The following UNC13A variants were observed in gnomAD, a reference collection of about 807,000 sequenced individuals.
The protein encoded by UNC13A is protein unc-13 homolog A.
A neutral mutation model predicts 219.7 loss-of-function variants in UNC13A; 61 were observed. The observed-to-expected ratio is 0.28, with a 90% CI of 0.23 to 0.34. The LOEUF is 0.34. UNC13A is among the 10% of genes least tolerant of loss of function. The pLI, the probability that UNC13A is intolerant of heterozygous loss-of-function variation, is 1.00. For missense variants in UNC13A, 1,476 were observed against 2,270.3 expected (o/e 0.65, Z 7.11); for synonymous variants, 920 against 884.6 (o/e 1.04, Z -0.71).
intron 1 of UNC13A, among the ~76,000 whole-genome samples, chr19:17,684,408 G>C (rs551119278): frequency 5.3e-5 from 8 of 152,186 alleles, no homozygotes; most frequent in African/African-American, 1.9e-4. Flanking sequence ...CTAGGAATAG[G>C]GCTGGGTCCC....
Position 17,606,150 on chromosome 19 carries a change from G to A in UNC13A, c.5016C>T (p.Leu1672=), listed in dbSNP as rs775853127. The change falls in exon 44 of 44, where the codon CTC becomes CTT. Residue 1672 remains leucine (L), a synonymous_variant. Coordinates refer to ENST00000519716, the MANE Select transcript of UNC13A (RefSeq NM_001080421.3). ...DDTGLTVLRI[L]SQRSNDEVAK... is the part of the protein sequence containing the mutation. ...CCACCTCGTCGTTGCTGCGCTGCGAGAGGATTCGCAGCACCGTGAGGCCCG... is the reference window on the plus strand; with the variant it reads ...CCACCTCGTCGTTGCTGCGCTGCGAAAGGATTCGCAGCACCGTGAGGCCCG... 3.3e-5 allele frequency: 52 copies of A among 1,587,846 alleles called. 1 individual carries two copies. In the South Asian group the frequency reaches 5.7e-4, roughly 17 times the overall value.
At chr19:17,628,089 T>G in intron 31 of UNC13A, 149 bp from the exon 32 acceptor site, 1 of 702,690 alleles carries the variant, frequency 1.4e-6, no homozygotes, top group Non-Finnish European at 2.4e-6. Flanking sequence ...GGAAGGGAGC[T>G]TTTGTGCTCA....
At chr19:17,621,159 AC>A (rs1391493411) in intron 37 of UNC13A, among the ~76,000 whole-genome samples, 3 of 152,112 alleles carry the variant, frequency 2.0e-5, no homozygotes, top group Non-Finnish European at 4.4e-5. Context: ...TAAACTACAT[AC>A]GTGCACTCCT....
At chr19:17,670,072 G>A (rs1443430106) in intron 4 of UNC13A, among the ~76,000 whole-genome samples, 2 of 150,228 alleles carry the variant, frequency 1.3e-5, no homozygotes, top group Non-Finnish European at 3.0e-5. Flanking sequence ...TCAGCTTCCC[G>A]AGTAGCTGGG....
intron 34 of UNC13A, 35 bp from the exon 35 acceptor site, chr19:17,624,987 G>C (rs1555778064): frequency 1.3e-6 from 2 of 1,599,338 alleles, no homozygotes; most frequent in Admixed American, 1.7e-5. Flanking sequence ...AGAGGGCCCA[G>C]CTCGCCCCCA....
At chr19:17,608,433 T>A (rs941017333) in intron 43 of UNC13A, among the ~76,000 whole-genome samples, 52 of 139,438 alleles carry the variant, frequency 3.7e-4, no homozygotes, top group African/African-American at 1.4e-3. Context: ...ATATGATATA[T>A]ATTTATTATA....
In UNC13A at chr19:17,606,117, C is replaced by G; in HGVS notation, c.5049G>C (p.Glu1683Asp). ...GCGTGTCCGACTTGAGCTTCACGAA[C>G]TCCTTGGCCACCTCGTCGTTGCTGC... ...SQRSNDEVAK[E>D]FVKLKSDTRS... Residue 1683 changes from glutamate to aspartate, a missense_variant, in exon 44 of 44, where the codon GAG becomes GAC. Transcript: ENST00000519716. 1 of 1,597,174 alleles carries G rather than the reference C, an allele frequency of 6.3e-7. No homozygotes were observed. The highest frequency in any genetic ancestry group is 8.5e-7 in the Non-Finnish European group (1 of 1,173,770).
At chr19:17,606,591 T>C (rs1475837841) in intron 43 of UNC13A, among the ~76,000 whole-genome samples, 1 of 151,998 alleles carries the variant, frequency 6.6e-6, no homozygotes, top group Non-Finnish European at 1.5e-5. Flanking sequence ...TTCCCATTTT[T>C]CCACCCACCG....
At position 17,656,295 on chromosome 19, in the gene UNC13A, C is replaced by T. The variant is rs779116109; in HGVS notation, c.871G>A (p.Asp291Asn). The T allele has an allele frequency of 6.6e-5, 103 of 1,553,134 alleles. No individual in the cohort carries two copies. The East Asian group carries it at 2.3e-3, about 34-fold the overall frequency. The change falls in exon 10 of 44, where the codon GAC becomes AAC. Residue 291 changes from aspartate (D) to asparagine (N), a missense_variant. Coordinates refer to ENST00000519716, the MANE Select transcript of UNC13A (RefSeq NM_001080421.3). ...DPDEHSLQGS[D>N]MEDERDRDSY... is the part of the protein sequence containing the mutation. Reference sequence around the variant, plus strand: ...TCCCGGTCCCGCTCATCCTCCATGTCGGAGCCCTGCAGGCTGTGCTCGTCA... The same window carrying T: ...TCCCGGTCCCGCTCATCCTCCATGTTGGAGCCCTGCAGGCTGTGCTCGTCA...
At chr19:17,611,187 T>TTTTG (rs1179977367) in intron 42 of UNC13A, among the ~76,000 whole-genome samples, 2 of 152,140 alleles carry the variant, frequency 1.3e-5, no homozygotes, top group Non-Finnish European at 2.9e-5. Context: ...ATTCTATCAT[T>TTTTG]TTTGTTTGTT....
chr19:17,603,256 G>A lies in UNC13A; in HGVS notation c.*2798C>T, dbSNP rs2076485509. 6.6e-6 allele frequency: 1 copy of A among 152,060 alleles called. No individual in the cohort carries two copies. Among genetic ancestry groups the A allele is most frequent in the South Asian group, 2.1e-4 (1 of 4,824 alleles). 9.4% of individuals were successfully genotyped at this position (152,060 alleles called of 1,614,324 possible). ...CACACACGGAGGTCTTGAACAGAAA[G>A]ACTCCTAAGGAATCTTTTGGGAAAT... On this transcript the variant is annotated 3_prime_UTR_variant, in exon 44 of 44. Transcript: ENST00000519716.
intron 41 of UNC13A, 53 bp downstream of exon 41, chr19:17,617,649 G>T: frequency 6.3e-7 from 1 of 1,599,148 alleles, no homozygotes; most frequent in Non-Finnish European, 8.6e-7. Context: ...CAGGCTTGGG[G>T]CGGGGCTGTC....
chr19:17,623,397 G>A, intron 36 of UNC13A, 145 bp downstream of exon 36: 1 of 595,280 alleles, frequency 1.7e-6, no homozygotes, highest in South Asian at 2.0e-5. Flanking sequence ...GCCCCAGACA[G>A]ACACAGGCAC....
At chr19:17,683,415 T>C (rs1306244067) in intron 1 of UNC13A, among the ~76,000 whole-genome samples, 3 of 151,992 alleles carry the variant, frequency 2.0e-5, no homozygotes, top group African/African-American at 7.3e-5. Context: ...GAGGATCACT[T>C]GAAGTCAGGA....
chr19:17,672,656 G>C (rs1332726618), intron 3 of UNC13A, among the ~76,000 whole-genome samples, 161 bp from the exon 4 acceptor site: 1 of 152,146 alleles, frequency 6.6e-6, no homozygotes, highest in Admixed American at 6.6e-5. Flanking sequence ...TCATTTTATA[G>C]AGGGGAAACT....
chr19:17,656,023 G>A lies in UNC13A; in HGVS notation c.1143C>T (p.Ala381=), dbSNP rs775421683. 1 of 1,571,906 alleles carries A rather than the reference G, an allele frequency of 6.4e-7. No homozygotes were observed. The highest frequency in any genetic ancestry group is 8.6e-7 in the Non-Finnish European group (1 of 1,158,196). ...DFKRISLPPA[A]PGKEDKAPVA... ...CTGGGGCCTTGTCCTCCTTCCCTGG[G>A]GCAGCTGGCGGGAGGCTGATGCGTT... Residue 381 remains alanine (A), a synonymous_variant, in exon 10 of 44, where the codon GCC becomes GCT. Coordinates refer to ENST00000519716, the MANE Select transcript of UNC13A (RefSeq NM_001080421.3).
intron 43 of UNC13A, among the ~76,000 whole-genome samples, chr19:17,608,994 G>T: frequency 7.1e-6 from 1 of 140,378 alleles, no homozygotes. Context: ...TTTCGCTTTT[G>T]TTGCCCAGGC....
chr19:17,680,005 T>C lies in UNC13A; in HGVS notation c.23-3964A>G, dbSNP rs537616170. On this transcript the variant is annotated intron_variant, in intron 1 of 43. Transcript: ENST00000519716. The stretch of plus-strand genomic sequence containing the variant: ...CCGAGGTCCAGGTTGAGGACATCCA[T>C]GATTTTTCATCACTGGGGCTCCCAG... Among the ~76,000 whole-genome samples the C allele has an allele frequency of 3.8e-4, 58 of 151,984 alleles. No homozygotes were observed. In the Middle Eastern group the frequency reaches 0.017, roughly 45 times the overall value.
At chr19:17,610,655 C>A (rs11667637) in intron 42 of UNC13A, among the ~76,000 whole-genome samples, 1 of 152,060 alleles carries the variant, frequency 6.6e-6, no homozygotes, top group Non-Finnish European at 1.5e-5. Flanking sequence ...AGGGAGTGAA[C>A]CCCAAACTTT....
Sources: allele counts gnomAD v4.1 joint callset (sites outside exome capture counted in the v4.1 genomes callset), GRCh38; gene constraint gnomAD v4.1.1; transcripts MANE v1.5; gene names NCBI Gene and HGNC (gene_info 2026-07-23, HGNC 2026-07-21).